The following LRP1B variants were observed in gnomAD, a reference collection of about 807,000 sequenced individuals.
LRP1B encodes LDL receptor related protein 1B, also known as low-density lipoprotein receptor-related protein 1B.
Under a neutral mutation model 556.6 loss-of-function variants are expected in LRP1B, and 217 were observed. The ratio of observed to expected loss-of-function variants is 0.39; its 90% CI spans 0.35 to 0.44. LRP1B has a LOEUF of 0.44. Ranked by LOEUF, LRP1B falls within the 20% of genes least tolerant of loss-of-function variation. LRP1B has a pLI of 1.00. For synonymous variants in LRP1B, 2,047 were observed against 1,865.8 expected (o/e 1.10, Z -2.50); for missense variants, 5,053 against 5,620.8 (o/e 0.90, Z 3.23).
At chr2:141,899,091 T>C (rs1699541543) in intron 1 of LRP1B, among the ~76,000 whole-genome samples, 1 of 152,104 alleles carries the variant, frequency 6.6e-6, no homozygotes, top group Non-Finnish European at 1.5e-5. Context: ...CTCAACAATA[T>C]TGATGCTAAG....
intron 2 of LRP1B, among the ~76,000 whole-genome samples, chr2:141,781,062 G>A (rs746850251): frequency 4.6e-5 from 7 of 151,968 alleles, no homozygotes; most frequent in African/African-American, 9.7e-5. Flanking sequence ...AGGAGAATGC[G>A]GCACTTGTAG....
At chr2:141,118,317 C>T (rs913805391) in intron 7 of LRP1B, among the ~76,000 whole-genome samples, 5 of 151,852 alleles carry the variant, frequency 3.3e-5, no homozygotes, top group Non-Finnish European at 7.4e-5. Flanking sequence ...TATTACAAAA[C>T]TTTGATTATC....
intron 3 of LRP1B, among the ~76,000 whole-genome samples, chr2:141,458,642 T>C (rs1302182456): frequency 1.4e-5 from 2 of 140,368 alleles, no homozygotes; most frequent in Admixed American, 7.5e-5. Flanking sequence ...GATCCCTATC[T>C]CATTTTTTTT....
intron 41 of LRP1B, among the ~76,000 whole-genome samples, chr2:140,661,063 A>G (rs915091197): frequency 6.6e-6 from 1 of 152,062 alleles, no homozygotes; most frequent in African/African-American, 2.4e-5. Context: ...AGTTAATTTA[A>G]TCAACTCATA....
At chr2:140,541,145 T>C (rs569230627) in intron 44 of LRP1B, 47 bp from the exon 45 acceptor site, 3 of 1,481,098 alleles carry the variant, frequency 2.0e-6, no homozygotes. Context: ...CGAATTCCTG[T>C]TCTATGTTAG....
At chr2:140,708,252 AT>A (rs902710788) in intron 37 of LRP1B, among the ~76,000 whole-genome samples, 246 of 149,840 alleles carry the variant, frequency 1.6e-3, no homozygotes, top group Middle Eastern at 3.5e-3. Flanking sequence ...CAACTTCAGA[AT>A]TTTTTTTTTC....
At chr2:140,946,430 T>C (rs115584409) in intron 20 of LRP1B, among the ~76,000 whole-genome samples, 240 of 152,114 alleles carry the variant, frequency 1.6e-3, no homozygotes, top group Non-Finnish European at 2.7e-3. Context: ...TGAAAACCCA[T>C]CTCTATTAAA....
chr2:140,388,906 T>C (rs1259200130), intron 66 of LRP1B, among the ~76,000 whole-genome samples: 13 of 152,176 alleles, frequency 8.5e-5, no homozygotes, highest in Admixed American at 8.5e-4. Flanking sequence ...CAGTATTCAT[T>C]GAAGCTAGTC....
chr2:141,426,239 G>A (rs1054554113), intron 3 of LRP1B, among the ~76,000 whole-genome samples: 13 of 151,660 alleles, frequency 8.6e-5, no homozygotes, highest in East Asian at 1.9e-4. Context: ...GTAGATATGC[G>A]GCGTTATTTT....
rs769918026 is a variant in LRP1B, at chr2:140,358,909, G to A, written c.11169C>T (p.Cys3723=). The A allele has an allele frequency of 1.9e-6, 3 of 1,608,396 alleles. No homozygotes were observed. The highest frequency in any genetic ancestry group is 2.6e-6 in the Non-Finnish European group (3 of 1,175,918). Residue 3723 remains cysteine (C), a synonymous_variant, in exon 73 of 91, where the codon TGC becomes TGT. Transcript: ENST00000389484. ...ACTGTAGGCATATTCTGTTATTTCT[G>A]CATCTGTGAGGTCTCGTGGATGGAC... The part of the protein sequence containing the change: ...FLCPSTRPHR[C]RNNRICLQSE...
At chr2:141,480,869 A>G (rs1423307813) in intron 2 of LRP1B, among the ~76,000 whole-genome samples, 1 of 152,164 alleles carries the variant, frequency 6.6e-6, no homozygotes, top group Non-Finnish European at 1.5e-5. Flanking sequence ...CAGGGTACTT[A>G]AACTCCTTGA....
At chr2:141,730,374 C>T (rs778928262) in intron 2 of LRP1B, among the ~76,000 whole-genome samples, 36 of 152,092 alleles carry the variant, frequency 2.4e-4, no homozygotes, top group Non-Finnish European at 4.9e-4. Flanking sequence ...AGAGAAGAAG[C>T]TGAGACGTCC....
chr2:141,040,832 C>T (rs1488526730), intron 11 of LRP1B, among the ~76,000 whole-genome samples: 1 of 152,066 alleles, frequency 6.6e-6, no homozygotes, highest in Admixed American at 6.6e-5. Context: ...GCCAAATAAG[C>T]AATCACATGA....
At chr2:141,646,489 G>A (rs1285457164) in intron 2 of LRP1B, among the ~76,000 whole-genome samples, 1 of 152,072 alleles carries the variant, frequency 6.6e-6, no homozygotes, top group African/African-American at 2.4e-5. Context: ...AATAATACAT[G>A]TAAAACGATG....
intron 2 of LRP1B, among the ~76,000 whole-genome samples, chr2:141,795,889 T>TATATATATATATAG: frequency 1.3e-5 from 1 of 76,710 alleles, no homozygotes; most frequent in Non-Finnish European, 2.8e-5. Context: ...TATATATATA[T>TATATATATATATAG]ATATATATAT....
intron 1 of LRP1B, among the ~76,000 whole-genome samples, chr2:141,906,304 A>G (rs1482467074): frequency 1.3e-5 from 2 of 151,966 alleles, no homozygotes; most frequent in Non-Finnish European, 2.9e-5. Flanking sequence ...ACACGACACA[A>G]ATTATGGAGT....
At chr2:140,704,612 C>T (rs1322663486) in intron 37 of LRP1B, among the ~76,000 whole-genome samples, 1 of 151,940 alleles carries the variant, frequency 6.6e-6, no homozygotes, top group Non-Finnish European at 1.5e-5. Context: ...AAATATTATT[C>T]AATATAAAAT....
At chr2:142,044,272 A>C (rs1574626976) in intron 1 of LRP1B, among the ~76,000 whole-genome samples, 1 of 151,766 alleles carries the variant, frequency 6.6e-6, no homozygotes, top group African/African-American at 2.4e-5. Context: ...TCTACTTGGA[A>C]TTTCTAATTC....
At chr2:140,245,173 G>C (rs1300035235) in intron 87 of LRP1B, among the ~76,000 whole-genome samples, 3 of 151,364 alleles carry the variant, frequency 2.0e-5, no homozygotes, top group Non-Finnish European at 4.4e-5. Flanking sequence ...ATGGGAGAAA[G>C]AGCTTCAGAA....
Sources: allele counts gnomAD v4.1 joint callset (sites outside exome capture counted in the v4.1 genomes callset), GRCh38; gene constraint gnomAD v4.1.1; transcripts MANE v1.5; gene names NCBI Gene and HGNC (gene_info 2026-07-23, HGNC 2026-07-21).